SLC4A4: variants seen among roughly 807,000 people sequenced by gnomAD.
The protein encoded by SLC4A4 is electrogenic sodium bicarbonate cotransporter 1.
SLC4A4 carries 27 observed loss-of-function variants against 111.5 expected under a neutral mutation model. The ratio of observed to expected loss-of-function variants is 0.24; its 90% CI spans 0.18 to 0.33. The LOEUF (loss-of-function observed/expected upper bound fraction) is 0.33, where lower values mean the gene tolerates loss of function less well. Ranked by LOEUF, SLC4A4 falls within the 10% of genes least tolerant of loss-of-function variation. The pLI, the probability that SLC4A4 is intolerant of heterozygous loss-of-function variation, is 1.00. For synonymous variants in SLC4A4, 443 were observed against 463.4 expected, an observed-to-expected ratio of 0.96 and a Z score of 0.57; for missense variants, 909 against 1,315.5, an observed-to-expected ratio of 0.69 and a Z score of 4.78.
chr4:71,383,403 T>G (rs1718344177), intron 6 of SLC4A4, among the ~76,000 whole-genome samples: 1 of 152,180 alleles, frequency 6.6e-6, no homozygotes, highest in Non-Finnish European at 1.5e-5. Flanking sequence ...TCACATACCC[T>G]CTGTATGATG....
chr4:71,498,477 C>T (rs781305194), intron 16 of SLC4A4, among the ~76,000 whole-genome samples: 2 of 152,092 alleles, frequency 1.3e-5, no homozygotes, highest in Non-Finnish European at 2.9e-5. Context: ...GTGACCTGCT[C>T]TGTACAGCTG....
intron 2 of SLC4A4, among the ~76,000 whole-genome samples, chr4:71,126,093 T>A (rs184751002): frequency 4.1e-4 from 62 of 152,342 alleles, no homozygotes; most frequent in Non-Finnish European, 3.1e-4. Flanking sequence ...AATTTGTTTT[T>A]TATAGCTGAA....
intron 18 of SLC4A4, among the ~76,000 whole-genome samples, chr4:71,536,835 T>A (rs922641661): frequency 6.6e-6 from 1 of 151,844 alleles, no homozygotes; most frequent in Admixed American, 6.6e-5. Context: ...TCCTTTAAAT[T>A]GGCCATTTGA....
chr4:71,065,247 G>C (rs541428984), intron 1 of SLC4A4, among the ~76,000 whole-genome samples: 1 of 152,012 alleles, frequency 6.6e-6, no homozygotes, highest in Non-Finnish European at 1.5e-5. Context: ...ACATTTAACC[G>C]TATGGTGTTT....
At chr4:71,102,087 G>A (rs968482716) in intron 2 of SLC4A4, among the ~76,000 whole-genome samples, 1 of 152,066 alleles carries the variant, frequency 6.6e-6, no homozygotes, top group Admixed American at 6.6e-5. Context: ...GGAGCTGATG[G>A]AGCTGAAAAC....
chr4:71,480,834 T>G (rs1728809969), intron 14 of SLC4A4, among the ~76,000 whole-genome samples: 1 of 151,720 alleles, frequency 6.6e-6, no homozygotes, highest in African/African-American at 2.4e-5. Flanking sequence ...CTAATATTTA[T>G]TAAGCACCAT....
chr4:71,250,334 T>A (rs1459176609), intron 2 of SLC4A4, among the ~76,000 whole-genome samples: 1 of 152,208 alleles, frequency 6.6e-6, no homozygotes, highest in Non-Finnish European at 1.5e-5. Context: ...TGTTGTAGAA[T>A]CTTTGCTTTG....
intron 1 of SLC4A4, among the ~76,000 whole-genome samples, chr4:71,070,776 C>A (rs72858423): frequency 0.02 from 3,063 of 152,160 alleles, 108 homozygotes; most frequent in African/African-American, 0.068. Flanking sequence ...TGAAGATGAA[C>A]CTAGAGATGT....
chr4:71,535,289 T>C (rs1270208612), intron 18 of SLC4A4, among the ~76,000 whole-genome samples: 5 of 152,172 alleles, frequency 3.3e-5, no homozygotes, highest in African/African-American at 1.2e-4. Context: ...GGAAAAATAT[T>C]CAGGAAATAT....
chr4:71,190,330 A>G (rs1745668527), intron 1 of SLC4A4, among the ~76,000 whole-genome samples: 2 of 149,372 alleles, frequency 1.3e-5, no homozygotes, highest in South Asian at 4.2e-4. Flanking sequence ...AGCTTTGGTT[A>G]TTTTTCCAGC....
At chr4:71,375,332 A>T (rs1026883265) in intron 6 of SLC4A4, among the ~76,000 whole-genome samples, 1 of 152,240 alleles carries the variant, frequency 6.6e-6, no homozygotes, top group African/African-American at 2.4e-5. Flanking sequence ...TTGATTAAGT[A>T]GTATTTCACA....
At chr4:71,139,475 G>A (rs1257744292) in intron 2 of SLC4A4, among the ~76,000 whole-genome samples, 1 of 152,104 alleles carries the variant, frequency 6.6e-6, no homozygotes, top group Admixed American at 6.5e-5. Flanking sequence ...ACTTTTAGAA[G>A]CCTAGAAAGT....
At chr4:71,479,249 G>T (rs536683513) in intron 14 of SLC4A4, among the ~76,000 whole-genome samples, 52 of 151,746 alleles carry the variant, frequency 3.4e-4, no homozygotes, top group African/African-American at 1.2e-3. Context: ...TCAAGTAATA[G>T]TTGGCTTTTT....
chr4:71,260,856 G>A (rs1378738148), intron 3 of SLC4A4, among the ~76,000 whole-genome samples: 2 of 152,158 alleles, frequency 1.3e-5, no homozygotes, highest in Non-Finnish European at 2.9e-5. Context: ...TGAACATGAA[G>A]TGAGCACTGC....
intron 6 of SLC4A4, among the ~76,000 whole-genome samples, chr4:71,387,285 C>T (rs76621981): frequency 0.025 from 3,791 of 152,222 alleles, 157 homozygotes; most frequent in East Asian, 0.14. Context: ...ATTCTATCTG[C>T]TCTTCTTCTT....
Position 71,192,743 on chromosome 4 carries a change from A to G in SLC4A4, c.-2+5342A>G, listed in dbSNP as rs527764181. ...GAAAATTGTATGTCATCATACCATC[A>G]GTGGACATCTCAGCGATTTACCTAA... On this transcript the variant is annotated intron_variant, in intron 1 of 25. Transcript: ENST00000264485. Among the ~76,000 whole-genome samples the G allele has an allele frequency of 2.6e-5, 4 of 152,224 alleles. 1 individual carries two copies. The South Asian group carries it at 8.3e-4, about 32-fold the overall frequency.
intron 7 of SLC4A4, among the ~76,000 whole-genome samples, chr4:71,415,879 A>G (rs1721781379): frequency 6.6e-6 from 1 of 152,202 alleles, no homozygotes; most frequent in Non-Finnish European, 1.5e-5. Flanking sequence ...GGGACCTATT[A>G]TCTGCTCAGC....
At chr4:71,489,709 C>A (rs1729732773) in intron 15 of SLC4A4, among the ~76,000 whole-genome samples, 1 of 151,704 alleles carries the variant, frequency 6.6e-6, no homozygotes, top group Admixed American at 6.6e-5. Flanking sequence ...CTATCCTGAA[C>A]CTTTCCTAGG....
intron 2 of SLC4A4, among the ~76,000 whole-genome samples, chr4:71,177,554 A>T (rs1222973888): frequency 1.3e-5 from 2 of 152,208 alleles, no homozygotes; most frequent in African/African-American, 4.8e-5. Flanking sequence ...GCAGACTTTA[A>T]ACCAACAGAG....
Sources: gnomAD v4.1 joint callset for allele counts (sites outside exome capture counted in the v4.1 genomes callset) on GRCh38, gnomAD v4.1.1 for gene constraint, MANE v1.5 for transcripts, NCBI Gene and HGNC (gene_info 2026-07-23, HGNC 2026-07-21) for gene names.